ATRNL1: variants seen among roughly 807,000 people sequenced by gnomAD.
ATRNL1 encodes attractin like 1, also known as attractin-like protein 1.
In ATRNL1, 95 loss-of-function variants were observed where a neutral mutation model predicts 182.7. The ratio of observed to expected loss-of-function variants is 0.52; its 90% CI spans 0.44 to 0.62. The LOEUF (loss-of-function observed/expected upper bound fraction) is 0.62. Ranked by LOEUF, ATRNL1 falls within the 20% of genes least tolerant of loss-of-function variation. ATRNL1 has a pLI of 0.00. For synonymous variants in ATRNL1, 576 were observed against 568.3 expected (o/e 1.01, Z -0.19); for missense variants, 1,471 against 1,679.5 (o/e 0.88, Z 2.17).
At chr10:115,620,972 T>C (rs1020324664) in intron 26 of ATRNL1, among the ~76,000 whole-genome samples, 1 of 152,136 alleles carries the variant, frequency 6.6e-6, no homozygotes, top group African/African-American at 2.4e-5. Context: ...CCCTTTTTTT[T>C]CATTTTCAGT....
chr10:115,724,086 C>G (rs1947520422), intron 26 of ATRNL1, among the ~76,000 whole-genome samples: 2 of 152,128 alleles, frequency 1.3e-5, no homozygotes, highest in African/African-American at 4.8e-5. Context: ...AAAACAGACA[C>G]ATCTGCTATA....
intron 25 of ATRNL1, 82 bp downstream of exon 25, chr10:115,519,406 C>A: frequency 2.6e-6 from 3 of 1,165,542 alleles, no homozygotes; most frequent in Non-Finnish European, 3.8e-6. Context: ...GATAATCGAC[C>A]AATTCTAAAA....
At chr10:115,715,290 G>C (rs1252251494) in intron 26 of ATRNL1, among the ~76,000 whole-genome samples, 6 of 152,188 alleles carry the variant, frequency 3.9e-5, no homozygotes, top group Non-Finnish European at 4.4e-5. Flanking sequence ...GTTTCACAAA[G>C]TTTGAAAATA....
intron 1 of ATRNL1, among the ~76,000 whole-genome samples, chr10:115,107,220 A>G (rs1297692283): frequency 6.6e-6 from 1 of 152,166 alleles, no homozygotes; most frequent in African/African-American, 2.4e-5. Flanking sequence ...GGCACAATTC[A>G]TCCTGGGGCA....
intron 3 of ATRNL1, among the ~76,000 whole-genome samples, chr10:115,126,575 A>T (rs949803570): frequency 6.6e-6 from 1 of 152,218 alleles, no homozygotes; most frequent in African/African-American, 2.4e-5. Flanking sequence ...AGATGTAATA[A>T]TAATTACTAA....
Position 115,417,431 on chromosome 10 carries a change from G to C in ATRNL1, c.3270-8819G>C, listed in dbSNP as rs531355406. 7.2e-5 allele frequency among the ~76,000 whole-genome samples: 11 copies of C among 152,260 alleles called. 1 individual carries two copies. In the South Asian group the frequency reaches 2.3e-3, roughly 32 times the overall value. On this transcript the variant is annotated intron_variant, in intron 20 of 28. Coordinates refer to ENST00000355044, the MANE Select transcript of ATRNL1 (RefSeq NM_207303.4). ...ATAGGCTTGCCAAACTTATCTTTCAGTAGTACCCAGGTTGTCATCTCACAG... is the reference window on the plus strand; with the variant it reads ...ATAGGCTTGCCAAACTTATCTTTCACTAGTACCCAGGTTGTCATCTCACAG...
intron 26 of ATRNL1, among the ~76,000 whole-genome samples, chr10:115,623,143 A>G (rs1378244655): frequency 2.6e-5 from 4 of 152,184 alleles, no homozygotes; most frequent in Non-Finnish European, 5.9e-5. Context: ...AATATAATGA[A>G]TCACCTTGAT....
At chr10:115,099,940 A>G (rs1843705869) in intron 1 of ATRNL1, among the ~76,000 whole-genome samples, 1 of 152,168 alleles carries the variant, frequency 6.6e-6, no homozygotes, top group Admixed American at 6.5e-5. Flanking sequence ...TAAGTTTTAA[A>G]TTGATTAATT....
chr10:115,745,609 C>T (rs1469321159), intron 27 of ATRNL1, among the ~76,000 whole-genome samples: 1 of 152,156 alleles, frequency 6.6e-6, no homozygotes. Flanking sequence ...TGCTTCACAA[C>T]CTCACCAGAA....
At position 115,591,214 on chromosome 10, in the gene ATRNL1, C is replaced by T. The variant is rs184647088; in HGVS notation, c.3795+41678C>T. On this transcript the variant is annotated intron_variant, in intron 26 of 28. Transcript: ENST00000355044. ...GAGATCTCTGGTTTGGAGATAGACT[C>T]TTTACTCACATAGTAACCTGTGTCA... 3.2e-4 allele frequency among the ~76,000 whole-genome samples: 48 copies of T among 152,348 alleles called. 2 individuals are homozygous for T. The South Asian group carries it at 9.3e-3, about 30-fold the overall frequency.
intron 5 of ATRNL1, among the ~76,000 whole-genome samples, chr10:115,142,426 A>C (rs1343712257): frequency 1.3e-5 from 2 of 149,630 alleles, no homozygotes; most frequent in African/African-American, 4.8e-5. Context: ...TTAGTCAGAT[A>C]TGAACTTAGA....
intron 1 of ATRNL1, among the ~76,000 whole-genome samples, chr10:115,112,080 T>TA (rs1554868242): frequency 6.6e-6 from 1 of 151,958 alleles, no homozygotes; most frequent in Non-Finnish European, 1.5e-5. Context: ...AAAAAAAACT[T>TA]ACGATAAGTT....
intron 27 of ATRNL1, among the ~76,000 whole-genome samples, chr10:115,748,186 T>C (rs1593163640): frequency 6.6e-6 from 1 of 152,082 alleles, no homozygotes; most frequent in Non-Finnish European, 1.5e-5. Context: ...TTTTCTGATA[T>C]TATTTAACAA....
Position 115,140,183 on chromosome 10 carries a change from T to G in ATRNL1, c.829+10648T>G, listed in dbSNP as rs1845700900. Among the ~76,000 whole-genome samples the G allele has an allele frequency of 2.0e-5, 3 of 152,112 alleles. No individual in the cohort carries two copies. In the South Asian group the frequency reaches 6.2e-4, roughly 32 times the overall value. ...TAGTATCTGCTTGGCTAAACCTAGG[T>G]CTTGTCCATACCGTGGCTGCCTAGA... is the stretch of plus-strand genomic sequence containing the variant. On this transcript the variant is annotated intron_variant, in intron 5 of 28. Transcript: ENST00000355044.
intron 26 of ATRNL1, among the ~76,000 whole-genome samples, chr10:115,592,984 C>A (rs1200484295): frequency 6.6e-6 from 1 of 151,942 alleles, no homozygotes; most frequent in East Asian, 1.9e-4. Flanking sequence ...CATTTTGTGT[C>A]ACTATAACCA....
At chr10:115,410,358 T>C (rs1406779878) in intron 20 of ATRNL1, among the ~76,000 whole-genome samples, 2 of 151,988 alleles carry the variant, frequency 1.3e-5, no homozygotes, top group African/African-American at 4.8e-5. Context: ...AGTCTTGCTC[T>C]GTCACTAGAC....
chr10:115,945,819 G>A lies in ATRNL1; in HGVS notation c.*1040G>A, dbSNP rs2134636352. The A allele has an allele frequency of 6.6e-6, 1 of 152,298 alleles. No individual in the cohort carries two copies. The highest frequency in any genetic ancestry group is 1.9e-4 in the East Asian group (1 of 5,184). 9.4% of individuals were successfully genotyped at this position (152,298 alleles called of 1,614,324 possible). A position where few individuals can be genotyped will look rare whatever the true frequency, so the allele number is the denominator to read the frequency against. On this transcript the variant is annotated 3_prime_UTR_variant, in exon 29 of 29. Coordinates refer to ENST00000355044, the MANE Select transcript of ATRNL1 (RefSeq NM_207303.4). The stretch of plus-strand genomic sequence containing the variant: ...CTGTTCCACCTAGAATACAAGTAGA[G>A]AAGAGCACTGGCTGGCAAGCATCAA...
At position 115,728,554 on chromosome 10, in the gene ATRNL1, A is replaced by G. The variant is rs532451245; in HGVS notation, c.3903+1199A>G. On this transcript the variant is annotated intron_variant, in intron 27 of 28. Transcript: ENST00000355044. ...GATTTTACTTTTTGTCAAGGAAAAT[A>G]AAGAATGGAAAAATAGAATCATTCA... Among the ~76,000 whole-genome samples, 229 of 152,258 alleles carry G rather than the reference A, an allele frequency of 1.5e-3. 10 individuals carry two copies. In the South Asian group the frequency reaches 0.046, roughly 31 times the overall value.
At chr10:115,860,431 G>A (rs1951287610) in intron 28 of ATRNL1, among the ~76,000 whole-genome samples, 1 of 152,058 alleles carries the variant, frequency 6.6e-6, no homozygotes, top group Non-Finnish European at 1.5e-5. Context: ...AGGCAGAGCT[G>A]TAATGGAGAG....
Sources: gnomAD v4.1 joint callset for allele counts (sites outside exome capture counted in the v4.1 genomes callset) on GRCh38, gnomAD v4.1.1 for gene constraint, MANE v1.5 for transcripts, NCBI Gene and HGNC (gene_info 2026-07-23, HGNC 2026-07-21) for gene names.